Variants in NINL observed in about 807,000 individuals in gnomAD.
NINL encodes ninein like.
NINL carries 153 observed loss-of-function variants against 160.3 expected under a neutral mutation model. That is an observed-to-expected ratio of 0.95 (90% confidence interval 0.84 to 1.09). The LOEUF (loss-of-function observed/expected upper bound fraction) is 1.09, where lower values mean the gene tolerates loss of function less well. NINL is among the 50% of genes least tolerant of loss of function. The pLI, the probability that NINL is intolerant of heterozygous loss-of-function variation, is 0.00. For missense variants in NINL, 1,829 were observed against 1,764.0 expected (o/e 1.04, Z -0.66); for synonymous variants, 800 against 734.8 (o/e 1.09, Z -1.43).
intron 1 of NINL, among the ~76,000 whole-genome samples, chr20:25,550,472 C>T (rs1023301704): frequency 3.3e-5 from 5 of 151,724 alleles, no homozygotes; most frequent in African/African-American, 1.2e-4. Context: ...CGGCGCTCCG[C>T]AAGCAAGGAC....
chr20:25,524,885 A>G (rs1279754154), intron 2 of NINL, among the ~76,000 whole-genome samples: 1 of 149,356 alleles, frequency 6.7e-6, no homozygotes, highest in Non-Finnish European at 1.5e-5. Flanking sequence ...CAATTCAGCA[A>G]GAGACAGACT....
intron 1 of NINL, among the ~76,000 whole-genome samples, chr20:25,578,033 C>T (rs958769112): frequency 2.6e-5 from 4 of 151,148 alleles, no homozygotes; most frequent in Non-Finnish European, 4.4e-5. Flanking sequence ...GGTTTTTCCA[C>T]GTTGGTCAGG....
At chr20:25,530,933 C>T (rs533115890) in intron 1 of NINL, among the ~76,000 whole-genome samples, 37 of 152,184 alleles carry the variant, frequency 2.4e-4, no homozygotes, top group East Asian at 1.9e-3. Flanking sequence ...AGCAGACAAC[C>T]GGTCTGACGA....
Position 25,478,976 on chromosome 20 carries a change from G to A in NINL, c.2148C>T (p.Thr716=). The A allele has an allele frequency of 6.3e-7, 1 of 1,597,562 alleles. No individual in the cohort carries two copies. Among genetic ancestry groups the A allele is most frequent in the Non-Finnish European group, 8.5e-7 (1 of 1,173,678 alleles). ...PEQMGLAPCC[T]QALCGLALRH... ...GCAGGGCCAGGCCACACAGTGCCTG[G>A]GTGCAGCAGGGTGCCAGGCCCATCT... is the stretch of plus-strand genomic sequence containing the variant. The change falls in exon 16 of 24, where the codon ACC becomes ACT. Residue 716 remains threonine (T), a synonymous_variant. Transcript: ENST00000278886.
At chr20:25,556,143 G>T (rs1219366159) in intron 1 of NINL, among the ~76,000 whole-genome samples, 1 of 152,188 alleles carries the variant, frequency 6.6e-6, no homozygotes, top group Non-Finnish European at 1.5e-5. Flanking sequence ...TTAGCCAAGA[G>T]AGGTGGCAGA....
At chr20:25,515,382 T>C (rs551127520) in intron 3 of NINL, among the ~76,000 whole-genome samples, 4 of 152,368 alleles carry the variant, frequency 2.6e-5, no homozygotes, top group South Asian at 2.1e-4. Flanking sequence ...TGTATCCCCA[T>C]TGTATCTTGG....
chr20:25,496,683 C>G lies in NINL; in HGVS notation c.1290G>C (p.Gln430His). The change falls in exon 10 of 24, where the codon CAG (glutamine) becomes CAC (histidine). Residue 430 changes from glutamine (Q) to histidine (H), a missense_variant. Physicochemically the swap from Gln to His is conservative, Grantham distance 24. Coordinates refer to ENST00000278886, the MANE Select transcript of NINL (RefSeq NM_025176.6). ...CCCACTTGATTTTCTTCTCCGTGAGCTGCTCCAGGGTGGAGTGGCAGTCGT... is the reference window on the plus strand; with the variant it reads ...CCCACTTGATTTTCTTCTCCGTGAGGTGCTCCAGGGTGGAGTGGCAGTCGT... Reference protein sequence around the residue: ...EMDDCHSTLEQLTEKKIKHLE... With the variant: ...EMDDCHSTLEHLTEKKIKHLE... 6.2e-7 allele frequency: 1 copy of G among 1,614,118 alleles called. No homozygotes were observed. The highest frequency in any genetic ancestry group is 1.3e-5 in the African/African-American group (1 of 75,052).
intron 1 of NINL, among the ~76,000 whole-genome samples, chr20:25,537,583 C>T (rs1342654413): frequency 6.6e-6 from 1 of 152,220 alleles, no homozygotes; most frequent in African/African-American, 2.4e-5. Context: ...CCATAGTAAA[C>T]ACTGAATTTC....
At chr20:25,534,081 C>T (rs1280309132) in intron 1 of NINL, among the ~76,000 whole-genome samples, 1 of 152,162 alleles carries the variant, frequency 6.6e-6, no homozygotes. Flanking sequence ...TTCTTCCTGG[C>T]CCAGGATACA....
intron 22 of NINL, among the ~76,000 whole-genome samples, chr20:25,456,623 C>G (rs575126799): frequency 2.4e-4 from 37 of 152,136 alleles, no homozygotes; most frequent in Non-Finnish European, 3.5e-4. Context: ...CAGCTCAAGG[C>G]TATTTATTTT....
intron 17 of NINL, among the ~76,000 whole-genome samples, chr20:25,475,701 A>T (rs1002182838): frequency 6.6e-6 from 1 of 152,214 alleles, no homozygotes; most frequent in Non-Finnish European, 1.5e-5. Context: ...CTCTACTAAA[A>T]ATACAAAAAT....
Position 25,491,377 on chromosome 20 carries a change from G to A in NINL, c.1459C>T (p.Arg487Cys), listed in dbSNP as rs532206567. ...GRLQAEEAGLREKLTLALKEN... is the reference protein window; with the variant it reads ...GRLQAEEAGLCEKLTLALKEN... ...TTCAGGGCCAGGGTCAGCTTCTCGC[G>A]GAGGCCAGCCTCCTCAGCCTGCAGG... The change falls in exon 11 of 24, where the codon CGC (arginine) becomes TGC (cysteine). Residue 487 changes from arginine (R) to cysteine (C), a missense_variant. Arg to Cys is a radical substitution (Grantham distance 180). Transcript: ENST00000278886. 55 of 1,610,620 alleles carry A rather than the reference G, an allele frequency of 3.4e-5. No individual in the cohort carries two copies. The highest frequency in any genetic ancestry group is 3.3e-4 in the Middle Eastern group (2 of 6,052).
At chr20:25,558,118 G>A (rs1223823981) in intron 1 of NINL, among the ~76,000 whole-genome samples, 1 of 152,184 alleles carries the variant, frequency 6.6e-6, no homozygotes, top group Non-Finnish European at 1.5e-5. Flanking sequence ...TATAGCCTGG[G>A]TGAAAGAGCA....
chr20:25,498,835 T>A (rs1272032094), intron 8 of NINL: 1 of 945,298 alleles, frequency 1.1e-6, no homozygotes, highest in East Asian at 1.2e-4. Flanking sequence ...GCCAAAAAGC[T>A]TTCCAGAGCG....
At chr20:25,494,285 A>G (rs142359844) in intron 10 of NINL, among the ~76,000 whole-genome samples, 4 of 149,578 alleles carry the variant, frequency 2.7e-5, no homozygotes, top group Non-Finnish European at 4.4e-5. Context: ...GAACACTCAC[A>G]GCACCCCCAC....
At chr20:25,470,246 T>C in intron 17 of NINL, 151 bp from the exon 18 acceptor site, 1 of 652,170 alleles carries the variant, frequency 1.5e-6, no homozygotes, top group Non-Finnish European at 2.7e-6. Flanking sequence ...TCCCTCTTCC[T>C]GCACCAGGTG....
At chr20:25,549,080 C>G (rs1385104784) in intron 1 of NINL, among the ~76,000 whole-genome samples, 39 of 100,260 alleles carry the variant, frequency 3.9e-4, no homozygotes, top group Middle Eastern at 0.011. Context: ...CACGGCCACA[C>G]CTCCCACACC....
Position 25,561,718 on chromosome 20 carries a change from G to A in NINL, c.-12+23737C>T, listed in dbSNP as rs1282640030. ...TGGGATGTGAGGAGCGCCTCGGCCC[G>A]GCCGCGACCCCGTCTGGGAGGTTAG... On this transcript the variant is annotated intron_variant, in intron 1 of 23. Transcript: ENST00000278886. Among the ~76,000 whole-genome samples the A allele has an allele frequency of 6.6e-5, 10 of 150,694 alleles. No individual in the cohort carries two copies. In the South Asian group the frequency reaches 1.1e-3, roughly 16 times the overall value.
chr20:25,490,617 A>G (rs1232244259), intron 11 of NINL, among the ~76,000 whole-genome samples: 1 of 151,932 alleles, frequency 6.6e-6, no homozygotes, highest in Admixed American at 6.5e-5. Context: ...TTGCAAAAGT[A>G]TTATAGAAAA....
Sources: allele counts gnomAD v4.1 joint callset (sites outside exome capture counted in the v4.1 genomes callset), GRCh38; gene constraint gnomAD v4.1.1; transcripts MANE v1.5; gene names NCBI Gene and HGNC (gene_info 2026-07-23, HGNC 2026-07-21).